NSMCE2: variants seen among roughly 807,000 people sequenced by gnomAD.
NSMCE2 encodes the protein NSE2 SUMO ligase component of SMC5/6 complex.
A neutral mutation model predicts 23.8 loss-of-function variants in NSMCE2; 24 were observed. That is an observed-to-expected ratio of 1.01 (90% CI 0.73 to 1.42). The LOEUF (loss-of-function observed/expected upper bound fraction) is 1.42. Ranked by LOEUF, NSMCE2 falls within the 40% of genes most tolerant of loss-of-function variation. The pLI is 0.00. For missense variants in NSMCE2, 284 were observed against 296.5 expected, an observed-to-expected ratio of 0.96 and a Z score of 0.31; for synonymous variants, 92 against 94.1, an observed-to-expected ratio of 0.98 and a Z score of 0.13.
intron 5 of NSMCE2, among the ~76,000 whole-genome samples, chr8:125,333,536 A>C (rs1586784326): frequency 2.6e-5 from 1 of 38,386 alleles, no homozygotes; most frequent in Admixed American, 4.5e-4. Flanking sequence ...TTTTTTTGAG[A>C]CGGAGTCTCG....
intron 5 of NSMCE2, among the ~76,000 whole-genome samples, chr8:125,210,602 C>G (rs1051737345): frequency 3.9e-5 from 6 of 152,148 alleles, no homozygotes; most frequent in Non-Finnish European, 8.8e-5. Flanking sequence ...TCCATCTTAC[C>G]CTTTTCAGCC....
intron 4 of NSMCE2, among the ~76,000 whole-genome samples, chr8:125,164,098 A>G (rs1399191744): frequency 6.6e-6 from 1 of 152,230 alleles, no homozygotes; most frequent in Non-Finnish European, 1.5e-5. Flanking sequence ...AAGTATCATC[A>G]GTTCATACTC....
chr8:125,336,735 C>T (rs768924023), intron 5 of NSMCE2, among the ~76,000 whole-genome samples: 2 of 152,340 alleles, frequency 1.3e-5, no homozygotes, highest in Admixed American at 6.5e-5. Flanking sequence ...TGGAGAACTG[C>T]GAGTTCCTTT....
At chr8:125,188,094 T>G (rs992426301) in intron 5 of NSMCE2, among the ~76,000 whole-genome samples, 5 of 152,210 alleles carry the variant, frequency 3.3e-5, no homozygotes, top group African/African-American at 1.2e-4. Context: ...GGATTCATTT[T>G]AAGCACACCC....
At chr8:125,250,316 T>C (rs1453875474) in intron 5 of NSMCE2, among the ~76,000 whole-genome samples, 2 of 145,920 alleles carry the variant, frequency 1.4e-5, no homozygotes, top group East Asian at 4.0e-4. Context: ...TAAAGATAGT[T>C]ATAATGTTTT....
intron 5 of NSMCE2, among the ~76,000 whole-genome samples, chr8:125,256,610 AG>A (rs1563747085): frequency 6.6e-6 from 1 of 152,118 alleles, no homozygotes; most frequent in African/African-American, 2.4e-5. Context: ...AAGCTCACCC[AG>A]GGGAAGAATG....
chr8:125,149,009 C>CAAA (rs986885605), intron 3 of NSMCE2, among the ~76,000 whole-genome samples: 13 of 152,194 alleles, frequency 8.5e-5, no homozygotes, highest in African/African-American at 2.9e-4. Context: ...GGTACCAAGC[C>CAAA]ATATGTCCAT....
At position 125,351,921 on chromosome 8, in the gene NSMCE2, G is replaced by A. The variant is rs547988733; in HGVS notation, c.419-5298G>A. Among the ~76,000 whole-genome samples the A allele has an allele frequency of 1.5e-4, 23 of 152,246 alleles. No individual in the cohort carries two copies. In the South Asian group the frequency reaches 3.5e-3, roughly 23 times the overall value. ...CCAGCTACTTGGGAGACTGAGGCACGAGAATCATTTGAACCCAGGAGGCAG... is the reference window on the plus strand; with the variant it reads ...CCAGCTACTTGGGAGACTGAGGCACAAGAATCATTTGAACCCAGGAGGCAG... On this transcript the variant is annotated intron_variant, in intron 5 of 7. Transcript: ENST00000287437.
intron 5 of NSMCE2, among the ~76,000 whole-genome samples, chr8:125,205,585 C>T (rs1296928015): frequency 1.3e-5 from 2 of 152,160 alleles, no homozygotes; most frequent in Non-Finnish European, 2.9e-5. Flanking sequence ...CCCCATAACC[C>T]TACTTCAAAA....
intron 3 of NSMCE2, among the ~76,000 whole-genome samples, chr8:125,131,607 A>G (rs1819775494): frequency 1.4e-5 from 2 of 144,062 alleles, no homozygotes; most frequent in Non-Finnish European, 3.0e-5. Flanking sequence ...TCTAACGTGG[A>G]AAAAAAAAAT....
intron 4 of NSMCE2, among the ~76,000 whole-genome samples, chr8:125,177,203 G>C (rs1332910588): frequency 6.6e-6 from 1 of 152,154 alleles, no homozygotes; most frequent in African/African-American, 2.4e-5. Context: ...TTAAACACAG[G>C]CTTGGTTTAG....
chr8:125,173,557 T>C (rs1264108657), intron 4 of NSMCE2, among the ~76,000 whole-genome samples: 2 of 152,198 alleles, frequency 1.3e-5, no homozygotes, highest in Non-Finnish European at 2.9e-5. Flanking sequence ...TCCATTAGCA[T>C]CATACCATCA....
intron 3 of NSMCE2, among the ~76,000 whole-genome samples, chr8:125,117,831 G>A (rs541522699): frequency 4.6e-5 from 7 of 152,186 alleles, no homozygotes; most frequent in Middle Eastern, 3.2e-3. Context: ...TGCCTATTAG[G>A]TGTTGAATCC....
At chr8:125,307,525 A>G (rs1828813272) in intron 5 of NSMCE2, among the ~76,000 whole-genome samples, 2 of 152,230 alleles carry the variant, frequency 1.3e-5, no homozygotes, top group African/African-American at 2.4e-5. Context: ...GGCAGCAAAG[A>G]ACAAATCACA....
intron 4 of NSMCE2, among the ~76,000 whole-genome samples, chr8:125,161,908 C>A (rs1821649229): frequency 6.6e-6 from 1 of 152,128 alleles, no homozygotes; most frequent in Non-Finnish European, 1.5e-5. Context: ...TGGCTGATAC[C>A]TGCAAGGTCT....
At chr8:125,246,480 C>T (rs1034953020) in intron 5 of NSMCE2, among the ~76,000 whole-genome samples, 1 of 152,104 alleles carries the variant, frequency 6.6e-6, no homozygotes, top group Non-Finnish European at 1.5e-5. Context: ...CCATGCCTGG[C>T]CCCAAAAATG....
intron 5 of NSMCE2, among the ~76,000 whole-genome samples, chr8:125,316,635 T>TTC (rs1829195953): frequency 1.8e-5 from 1 of 56,580 alleles, no homozygotes; most frequent in Admixed American, 2.5e-4. Context: ...CTTTCCTTTC[T>TTC]TTATTTCCTT....
chr8:125,094,164 G>A (rs1411120759), intron 1 of NSMCE2, among the ~76,000 whole-genome samples: 1 of 152,170 alleles, frequency 6.6e-6, no homozygotes, highest in East Asian at 1.9e-4. Flanking sequence ...GGAAACAGGA[G>A]AGCTATGAAT....
intron 5 of NSMCE2, among the ~76,000 whole-genome samples, chr8:125,205,846 G>A (rs1304961936): frequency 6.6e-6 from 1 of 152,114 alleles, no homozygotes; most frequent in East Asian, 1.9e-4. Context: ...TCAAGCTTAA[G>A]CTTTTATAAT....
Sources: allele counts gnomAD v4.1 joint callset (sites outside exome capture counted in the v4.1 genomes callset), GRCh38; gene constraint gnomAD v4.1.1; transcripts MANE v1.5; gene names NCBI Gene and HGNC (gene_info 2026-07-23, HGNC 2026-07-21).